The following NFASC variants were observed in gnomAD, a reference collection of about 807,000 sequenced individuals.
NFASC encodes neurofascin, also known as neurofascin homolog.
A neutral mutation model predicts 147.5 loss-of-function variants in NFASC; 43 were observed. The ratio of observed to expected loss-of-function variants is 0.29; its 90% CI spans 0.23 to 0.38. NFASC has a LOEUF of 0.38. NFASC is among the 10% of genes least tolerant of loss of function. NFASC has a pLI of 1.00. For missense variants in NFASC, 1,320 were observed against 1,689.0 expected (o/e 0.78, Z 3.83); for synonymous variants, 622 against 665.5 (o/e 0.93, Z 1.01).
At chr1:204,966,300 G>A (rs12061247) in intron 8 of NFASC, among the ~76,000 whole-genome samples, 3,019 of 152,092 alleles carry the variant, frequency 0.02, 93 homozygotes, top group African/African-American at 0.068. Context: ...GGTGTCGCGC[G>A]TTATGGTGTA....
At chr1:204,862,930 A>G (rs888888410) in intron 1 of NFASC, among the ~76,000 whole-genome samples, 1 of 152,242 alleles carries the variant, frequency 6.6e-6, no homozygotes, top group Non-Finnish European at 1.5e-5. Flanking sequence ...GAAGCCTGGC[A>G]GAGAAGCTTT....
In NFASC at chr1:205,002,699, G is replaced by A; in HGVS notation, c.3240G>A (p.Arg1080=). ...CATACACGTTGCGGGTTTATTCCCGGGACAACGAGGGCATCAGCAGTACCG... is the reference window on the plus strand; with the variant it reads ...CATACACGTTGCGGGTTTATTCCCGAGACAACGAGGGCATCAGCAGTACCG... ...GMTYTLRVYS[R]DNEGISSTVI... The change falls in exon 27 of 30, where the codon CGG becomes CGA. Residue 1080 remains arginine, a synonymous_variant. Coordinates refer to ENST00000339876, the MANE Select transcript of NFASC (RefSeq NM_001005388.3). 6.3e-7 allele frequency: 1 copy of A among 1,579,846 alleles called. No homozygotes were observed. Among genetic ancestry groups the A allele is most frequent in the Non-Finnish European group, 8.7e-7 (1 of 1,155,016 alleles).
intron 1 of NFASC, among the ~76,000 whole-genome samples, chr1:204,846,975 G>T (rs2075227248): frequency 6.6e-6 from 1 of 150,670 alleles, no homozygotes; most frequent in African/African-American, 2.5e-5. Flanking sequence ...GTGTGTGTGT[G>T]TGTGGTGTGT....
intron 1 of NFASC, among the ~76,000 whole-genome samples, chr1:204,917,253 A>G (rs989064768): frequency 1.3e-5 from 2 of 152,172 alleles, no homozygotes; most frequent in African/African-American, 4.8e-5. Context: ...GTCATACTGG[A>G]TTACTGTTAG....
intron 2 of NFASC, among the ~76,000 whole-genome samples, chr1:204,937,011 C>T (rs1367413248): frequency 6.6e-6 from 1 of 151,658 alleles, no homozygotes; most frequent in Non-Finnish European, 1.5e-5. Flanking sequence ...GCCTGGGATG[C>T]TTTTCTGACC....
In NFASC at chr1:204,968,119, T is replaced by A. The variant is rs1413850862; in HGVS notation, c.707-130T>A. 2 of 683,594 alleles carry A rather than the reference T, an allele frequency of 2.9e-6. No homozygotes were observed. Among genetic ancestry groups the A allele is most frequent in the African/African-American group, 3.5e-5 (2 of 56,492 alleles). The allele number at this position is 683,594 out of a possible 1,614,324, so 42.3% of individuals were successfully genotyped here. On this transcript the variant is annotated intron_variant, in intron 8 of 29. Transcript: ENST00000339876. This position sits in a 1 kb window ranked among gnomAD's most constrained non-coding sequence, Gnocchi z 5.4. ...ACCTCACTTAATGATGCCCAAGTCCTTGGGATGGTTTCAGCTGGGAGGATC... is the reference window on the plus strand; with the variant it reads ...ACCTCACTTAATGATGCCCAAGTCCATGGGATGGTTTCAGCTGGGAGGATC...
intron 1 of NFASC, among the ~76,000 whole-genome samples, chr1:204,867,228 G>A (rs957981526): frequency 2.0e-5 from 3 of 152,150 alleles, no homozygotes; most frequent in Non-Finnish European, 4.4e-5. Flanking sequence ...TAATTGGAGA[G>A]CATTCTGGTA....
chr1:204,913,438 C>T (rs1018281269), intron 1 of NFASC, among the ~76,000 whole-genome samples: 11 of 152,110 alleles, frequency 7.2e-5, no homozygotes, highest in African/African-American at 1.9e-4. Context: ...GTAATTAATA[C>T]GGTATGATAC....
intron 1 of NFASC, among the ~76,000 whole-genome samples, chr1:204,906,059 G>T (rs905392632): frequency 6.6e-6 from 1 of 152,032 alleles, no homozygotes; most frequent in Non-Finnish European, 1.5e-5. Context: ...ATGTCTGTTG[G>T]ATTGTTTATC....
intron 1 of NFASC, among the ~76,000 whole-genome samples, chr1:204,855,322 C>T (rs1293904825): frequency 6.6e-6 from 1 of 152,158 alleles, no homozygotes; most frequent in Non-Finnish European, 1.5e-5. Context: ...AACCAAGAGA[C>T]AGCAATGGGA....
intron 17 of NFASC, 142 bp downstream of exon 17, chr1:204,977,867 T>A (rs1031394110): frequency 3.7e-5 from 24 of 648,156 alleles, no homozygotes; most frequent in Admixed American, 5.6e-5. Context: ...GGGACCTCCT[T>A]TGAGTTGCCC....
intron 1 of NFASC, among the ~76,000 whole-genome samples, chr1:204,830,363 G>A (rs935706111): frequency 3.9e-5 from 6 of 152,188 alleles, no homozygotes; most frequent in Non-Finnish European, 8.8e-5. Flanking sequence ...GGCCATACCA[G>A]CTGTGAGGTG....
chr1:204,853,902 G>T (rs1305038644), intron 1 of NFASC, among the ~76,000 whole-genome samples: 3 of 152,216 alleles, frequency 2.0e-5, no homozygotes, highest in African/African-American at 7.2e-5. Context: ...GGGGAGAGAG[G>T]GGGAGGAAAG....
At chr1:204,974,446 T>C in intron 13 of NFASC, 156 bp downstream of exon 13, 2 of 802,648 alleles carry the variant, frequency 2.5e-6, no homozygotes, top group Non-Finnish European at 4.1e-6. Flanking sequence ...ACCTCCTCAT[T>C]GTACAGAATG....
At position 204,855,957 on chromosome 1, in the gene NFASC, A is replaced by G. The variant is rs193107725; in HGVS notation, c.-200+27175A>G. ...CTGTTGGACCTTTTATATATGTTTCATTAACTCTTACAATGACCCTATGAA... is the reference window on the plus strand; with the variant it reads ...CTGTTGGACCTTTTATATATGTTTCGTTAACTCTTACAATGACCCTATGAA... On this transcript the variant is annotated intron_variant, in intron 1 of 29. Coordinates refer to ENST00000339876, the MANE Select transcript of NFASC (RefSeq NM_001005388.3). Among the ~76,000 whole-genome samples, 263 of 152,310 alleles carry G rather than the reference A, an allele frequency of 1.7e-3. 1 individual carries two copies. Among genetic ancestry groups the G allele is most frequent in the African/African-American group, 5.8e-3 (239 of 41,560 alleles).
chr1:204,935,904 T>C (rs2092776215), intron 2 of NFASC, among the ~76,000 whole-genome samples: 2 of 152,188 alleles, frequency 1.3e-5, no homozygotes, highest in African/African-American at 4.8e-5. Flanking sequence ...TCCAGTTCTT[T>C]CCTCCCACAC....
intron 1 of NFASC, among the ~76,000 whole-genome samples, chr1:204,874,733 GC>G (rs1386782441): frequency 6.6e-6 from 1 of 152,194 alleles, no homozygotes; most frequent in Non-Finnish European, 1.5e-5. Flanking sequence ...CACTTTGCAT[GC>G]CTAAAGCAAA....
intron 17 of NFASC, among the ~76,000 whole-genome samples, chr1:204,978,134 C>T (rs1196460565): frequency 6.6e-6 from 1 of 152,238 alleles, no homozygotes; most frequent in East Asian, 1.9e-4. Context: ...TCTACACACA[C>T]ATGCCACACA....
intron 1 of NFASC, among the ~76,000 whole-genome samples, chr1:204,876,917 C>T (rs562524472): frequency 8.6e-4 from 127 of 147,752 alleles, no homozygotes; most frequent in African/African-American, 3.1e-3. Flanking sequence ...AGCATAGCCT[C>T]TGGTAGAAAC....
Sources: gnomAD v4.1 joint callset for allele counts (sites outside exome capture counted in the v4.1 genomes callset) on GRCh38, gnomAD v4.1.1 for gene constraint, Gnocchi (gnomAD v3.1) non-coding constraint, MANE v1.5 for transcripts, NCBI Gene and HGNC (gene_info 2026-07-23, HGNC 2026-07-21) for gene names.